The following PAPSS2 variants were observed in gnomAD, a reference collection of about 807,000 sequenced individuals.
PAPSS2 encodes bifunctional 3'-phosphoadenosine 5'-phosphosulfate synthase 2.
PAPSS2 carries 61 observed loss-of-function variants against 66.5 expected under a neutral mutation model. The ratio of observed to expected loss-of-function variants is 0.92; its 90% CI spans 0.75 to 1.14. The LOEUF (loss-of-function observed/expected upper bound fraction) is 1.14. Among genes scored for constraint, PAPSS2 ranks in the 50% most tolerant of loss-of-function variants. The pLI, the probability that PAPSS2 is intolerant of heterozygous loss-of-function variation, is 0.00. For synonymous variants in PAPSS2, 289 were observed against 287.5 expected, an observed-to-expected ratio of 1.01 and a Z score of -0.05; for missense variants, 708 against 789.6, an observed-to-expected ratio of 0.90 and a Z score of 1.24.
At chr10:87,693,975 T>G (rs1194964950) in intron 1 of PAPSS2, among the ~76,000 whole-genome samples, 1 of 152,206 alleles carries the variant, frequency 6.6e-6, no homozygotes, top group Non-Finnish European at 1.5e-5. Flanking sequence ...GTACTGACAC[T>G]AGAGGAGTTT....
At chr10:87,735,638 G>T (rs531350246) in intron 9 of PAPSS2, among the ~76,000 whole-genome samples, 1 of 152,146 alleles carries the variant, frequency 6.6e-6, no homozygotes, top group East Asian at 1.9e-4. Context: ...TCTGTCTACC[G>T]CAGGGTTTCT....
intron 1 of PAPSS2, among the ~76,000 whole-genome samples, chr10:87,702,498 G>T (rs952318880): frequency 2.6e-5 from 4 of 152,186 alleles, no homozygotes; most frequent in Non-Finnish European, 4.4e-5. Context: ...TTCTGAAAAT[G>T]GGTCTTTAAA....
intron 2 of PAPSS2, among the ~76,000 whole-genome samples, chr10:87,710,242 A>T (rs1023504992): frequency 6.6e-6 from 1 of 152,166 alleles, no homozygotes; most frequent in Non-Finnish European, 1.5e-5. Context: ...TTTCTGTCCC[A>T]ACTGGCCTCA....
At chr10:87,713,936 A>G in intron 3 of PAPSS2, 108 bp from the exon 4 acceptor site, 1 of 1,145,418 alleles carries the variant, frequency 8.7e-7, no homozygotes. Flanking sequence ...CAAAGCACAA[A>G]CCCCAGTGTT....
At chr10:87,730,166 C>A (rs1232843761) in intron 9 of PAPSS2, among the ~76,000 whole-genome samples, 1 of 152,142 alleles carries the variant, frequency 6.6e-6, no homozygotes, top group African/African-American at 2.4e-5. Flanking sequence ...TCCCCTTTGC[C>A]CCCTGAAGTT....
At chr10:87,692,694 A>G (rs1467862077) in intron 1 of PAPSS2, among the ~76,000 whole-genome samples, 1 of 152,248 alleles carries the variant, frequency 6.6e-6, no homozygotes, top group Non-Finnish European at 1.5e-5. Context: ...ATGGTCAACC[A>G]TATAACTGAC....
chr10:87,709,257 G>A lies in PAPSS2; in HGVS notation c.89G>A (p.Arg30Lys). Residue 30 changes from arginine to lysine, a missense_variant, in exon 2 of 13, where the codon AGA (arginine) becomes AAA (lysine). Arg to Lys is a conservative substitution (Grantham distance 26). Transcript: ENST00000456849. The stretch of plus-strand genomic sequence containing the variant: ...GCCCACCATGTGAGCAGGAATAAGA[G>A]AGGGCAAGTGGTTGGAACAAGGGGT... Reference protein sequence around the residue: ...YQAHHVSRNKRGQVVGTRGGF... With the variant: ...YQAHHVSRNKKGQVVGTRGGF... The A allele has an allele frequency of 1.2e-6, 2 of 1,613,670 alleles. No individual in the cohort carries two copies. Among genetic ancestry groups the A allele is most frequent in the Non-Finnish European group, 1.7e-6 (2 of 1,179,686 alleles).
chr10:87,696,012 G>T (rs778348570), intron 1 of PAPSS2, among the ~76,000 whole-genome samples: 2 of 152,084 alleles, frequency 1.3e-5, no homozygotes, highest in African/African-American at 4.8e-5. Flanking sequence ...CTGGCTTCAC[G>T]TGATGGCTTT....
At chr10:87,689,667 C>CAAA (rs536306316) in intron 1 of PAPSS2, among the ~76,000 whole-genome samples, 2,530 of 74,422 alleles carry the variant, frequency 0.034, 56 homozygotes, top group Middle Eastern at 0.075. Flanking sequence ...AACCTTGTCT[C>CAAA]AAAAAAAAAA....
At chr10:87,713,733 C>T (rs1002418754) in intron 3 of PAPSS2, among the ~76,000 whole-genome samples, 1 of 152,206 alleles carries the variant, frequency 6.6e-6, no homozygotes, top group Non-Finnish European at 1.5e-5. Flanking sequence ...GAGTGTCACT[C>T]TTCTTTTAAA....
At chr10:87,702,551 C>T (rs917043452) in intron 1 of PAPSS2, among the ~76,000 whole-genome samples, 2 of 152,142 alleles carry the variant, frequency 1.3e-5, no homozygotes, top group Admixed American at 1.3e-4. Flanking sequence ...AGATTTGGAA[C>T]ACGTTTAATC....
chr10:87,690,044 A>G (rs1853149877), intron 1 of PAPSS2, among the ~76,000 whole-genome samples: 1 of 152,214 alleles, frequency 6.6e-6, no homozygotes, highest in East Asian at 1.9e-4. Flanking sequence ...AGTTATATCT[A>G]TTGATATGAC....
intron 7 of PAPSS2, among the ~76,000 whole-genome samples, chr10:87,718,558 T>G (rs1168406390): frequency 6.6e-6 from 1 of 152,218 alleles, no homozygotes; most frequent in Admixed American, 6.5e-5. Flanking sequence ...CCCAAGTGTT[T>G]TTGGGAGTCC....
chr10:87,720,131 C>G (rs1238704369), intron 7 of PAPSS2, among the ~76,000 whole-genome samples: 2 of 152,194 alleles, frequency 1.3e-5, no homozygotes. Flanking sequence ...AGTGATCCAC[C>G]TGCCTCAGCC....
chr10:87,708,920 T>A (rs958261136), intron 1 of PAPSS2, among the ~76,000 whole-genome samples: 18 of 152,166 alleles, frequency 1.2e-4, no homozygotes, highest in Non-Finnish European at 1.9e-4. Context: ...TGCTTATGAA[T>A]AACATTAAGT....
intron 1 of PAPSS2, among the ~76,000 whole-genome samples, chr10:87,690,773 C>T (rs1853162667): frequency 6.6e-6 from 1 of 152,154 alleles, no homozygotes; most frequent in Non-Finnish European, 1.5e-5. Flanking sequence ...AGACCCTGTG[C>T]TTTTATGTAC....
At chr10:87,733,368 C>T (rs1853752877) in intron 9 of PAPSS2, among the ~76,000 whole-genome samples, 1 of 152,158 alleles carries the variant, frequency 6.6e-6, no homozygotes, top group Non-Finnish European at 1.5e-5. Context: ...CTAATGCTTG[C>T]TGGGGCTTTG....
chr10:87,743,554 G>A lies in PAPSS2; in HGVS notation c.1404G>A (p.Ala468=), dbSNP rs538183527. Residue 468 remains alanine, a synonymous_variant, in exon 11 of 13, where the codon GCG becomes GCA. Coordinates refer to ENST00000456849, the MANE Select transcript of PAPSS2 (RefSeq NM_001015880.2). ...TAGACTGGCGGATGAAGCAGCACGC[G>A]GCTGTGCTCGAGGAAGGGGTCCTGG... ...VPLDWRMKQH[A]AVLEEGVLDP... is the part of the protein sequence containing the mutation. 18 of 1,614,158 alleles carry A rather than the reference G, an allele frequency of 1.1e-5. No individual in the cohort carries two copies. In the East Asian group the frequency reaches 1.6e-4, roughly 14 times the overall value.
chr10:87,743,607 T>C lies in PAPSS2; in HGVS notation c.1457T>C (p.Phe486Ser). 9 of 1,614,134 alleles carry C rather than the reference T, an allele frequency of 5.6e-6. No individual in the cohort carries two copies. Among genetic ancestry groups the C allele is most frequent in the Non-Finnish European group, 7.6e-6 (9 of 1,180,010 alleles). Residue 486 changes from phenylalanine (F) to serine (S), a missense_variant, in exon 11 of 13, where the codon TTT (phenylalanine) becomes TCT (serine). Transcript: ENST00000456849. ...CCCAAGTCAACCATTGTTGCCATCT[T>C]TCCGTCTCCCATGTTATATGCTGGC... ...LDPKSTIVAI[F>S]PSPMLYAGPT...
Sources: gnomAD v4.1 joint callset for allele counts (sites outside exome capture counted in the v4.1 genomes callset) on GRCh38, gnomAD v4.1.1 for gene constraint, MANE v1.5 for transcripts, NCBI Gene and HGNC (gene_info 2026-07-23, HGNC 2026-07-21) for gene names.